Variants in KCNQ5 observed in about 807,000 individuals in gnomAD.
KCNQ5 encodes potassium voltage-gated channel subfamily Q member 5, also known as potassium voltage-gated channel subfamily KQT member 5.
In KCNQ5, 30 loss-of-function variants were observed where a neutral mutation model predicts 98.2. The observed-to-expected ratio is 0.31, with a 90% confidence interval of 0.23 to 0.41. The LOEUF is 0.41. Among genes scored for constraint, KCNQ5 ranks in the 10% least tolerant of loss-of-function variants. The pLI, the probability that KCNQ5 is intolerant of heterozygous loss-of-function variation, is 1.00. For synonymous variants in KCNQ5, 458 were observed against 449.4 expected, an observed-to-expected ratio of 1.02 and a Z score of -0.24; for missense variants, 835 against 1,182.5, an observed-to-expected ratio of 0.71 and a Z score of 4.31.
chr6:72,675,387 T>C (rs1452420403), intron 1 of KCNQ5, among the ~76,000 whole-genome samples: 2 of 152,374 alleles, frequency 1.3e-5, no homozygotes, highest in East Asian at 1.9e-4. Context: ...GAGGTTTAAA[T>C]TGTTCTAATT....
intron 10 of KCNQ5, among the ~76,000 whole-genome samples, chr6:73,163,766 T>C (rs1401349657): frequency 2.0e-5 from 3 of 151,962 alleles, no homozygotes; most frequent in Non-Finnish European, 4.4e-5. Flanking sequence ...AATAAATAAA[T>C]AAGTAAATAA....
chr6:72,759,456 C>T (rs1293130443), intron 1 of KCNQ5, among the ~76,000 whole-genome samples: 4 of 152,088 alleles, frequency 2.6e-5, no homozygotes, highest in African/African-American at 7.2e-5. Context: ...CTGCCTCTTC[C>T]CATTTTTATT....
At chr6:72,737,468 A>G (rs1770907813) in intron 1 of KCNQ5, among the ~76,000 whole-genome samples, 2 of 148,660 alleles carry the variant, frequency 1.3e-5, no homozygotes, top group African/African-American at 2.5e-5. Context: ...AACACAGGTG[A>G]TTTTTTTTTT....
chr6:72,695,154 G>A (rs140839779), intron 1 of KCNQ5, among the ~76,000 whole-genome samples: 4 of 151,898 alleles, frequency 2.6e-5, no homozygotes, highest in African/African-American at 4.8e-5. Context: ...TTGCTATTAC[G>A]GTTAGTGCTG....
intron 1 of KCNQ5, among the ~76,000 whole-genome samples, chr6:72,925,042 TTA>T (rs1327615173): frequency 6.6e-6 from 1 of 152,310 alleles, no homozygotes; most frequent in African/African-American, 2.4e-5. Context: ...ATAAAAATGT[TTA>T]TGTTTATTTG....
chr6:72,899,973 G>A (rs1227550430), intron 1 of KCNQ5, among the ~76,000 whole-genome samples: 2 of 152,058 alleles, frequency 1.3e-5, no homozygotes, highest in Non-Finnish European at 2.9e-5. Flanking sequence ...AGTCTCCTGA[G>A]TATCTGGGTG....
chr6:73,097,466 T>C (rs1055050061), intron 5 of KCNQ5, among the ~76,000 whole-genome samples: 1 of 152,166 alleles, frequency 6.6e-6, no homozygotes, highest in Non-Finnish European at 1.5e-5. Flanking sequence ...GCATATATTA[T>C]AAGCCAATAG....
At chr6:72,695,272 A>C (rs1768426759) in intron 1 of KCNQ5, among the ~76,000 whole-genome samples, 1 of 152,206 alleles carries the variant, frequency 6.6e-6, no homozygotes, top group Non-Finnish European at 1.5e-5. Flanking sequence ...TCTATATTTC[A>C]TGACTTCAAT....
At chr6:73,120,657 A>G in intron 8 of KCNQ5, 80 bp downstream of exon 8, 2 of 855,970 alleles carry the variant, frequency 2.3e-6, no homozygotes, top group Non-Finnish European at 3.7e-6. Flanking sequence ...ACACACAAAA[A>G]AAGGTGTTAA....
intron 1 of KCNQ5, among the ~76,000 whole-genome samples, chr6:72,803,687 G>C (rs911555668): frequency 2.6e-5 from 4 of 152,240 alleles, no homozygotes; most frequent in African/African-American, 9.6e-5. Flanking sequence ...ACCCTAGAAA[G>C]TATTAGACCT....
intron 2 of KCNQ5, among the ~76,000 whole-genome samples, chr6:73,016,575 C>A (rs1242068943): frequency 1.3e-5 from 2 of 151,954 alleles, no homozygotes; most frequent in Admixed American, 1.3e-4. Context: ...ATATGCAGGA[C>A]CTGACTTTAG....
At position 72,891,778 on chromosome 6, in the gene KCNQ5, G is replaced by A. The variant is rs76906197; in HGVS notation, c.399-112130G>A. Among the ~76,000 whole-genome samples the A allele has an allele frequency of 4.8e-3, 731 of 152,054 alleles. 11 individuals are homozygous for A. Among genetic ancestry groups the A allele is most frequent in the East Asian group, 0.021 (107 of 5,186 alleles). ...TGAATTTTAAAACAAAAATATAATCGCTATTATCAGGCAAGACTATTCTAG... is the reference window on the plus strand; with the variant it reads ...TGAATTTTAAAACAAAAATATAATCACTATTATCAGGCAAGACTATTCTAG... On this transcript the variant is annotated intron_variant, in intron 1 of 13. Coordinates refer to ENST00000370398, the MANE Select transcript of KCNQ5 (RefSeq NM_019842.4).
chr6:73,160,319 C>CG (rs1487366500), intron 10 of KCNQ5, among the ~76,000 whole-genome samples: 3 of 152,126 alleles, frequency 2.0e-5, no homozygotes, highest in Non-Finnish European at 2.9e-5. Flanking sequence ...CCCGGCCTTC[C>CG]GCTATGTTTT....
chr6:72,983,161 T>C (rs1768557686), intron 1 of KCNQ5, among the ~76,000 whole-genome samples: 1 of 152,198 alleles, frequency 6.6e-6, no homozygotes, highest in Admixed American at 6.5e-5. Context: ...GGGGTTGTTC[T>C]TCTCAAGGAA....
At chr6:72,699,236 A>T (rs1768673291) in intron 1 of KCNQ5, among the ~76,000 whole-genome samples, 1 of 152,200 alleles carries the variant, frequency 6.6e-6, no homozygotes, top group South Asian at 2.1e-4. Context: ...TTTAGGGAAT[A>T]GCTTTTATGG....
At chr6:73,145,164 A>C (rs982394280) in intron 10 of KCNQ5, among the ~76,000 whole-genome samples, 3 of 152,226 alleles carry the variant, frequency 2.0e-5, no homozygotes, top group African/African-American at 7.2e-5. Context: ...CCTAAGAAAG[A>C]AAAGGAAAAT....
At chr6:72,764,694 T>G (rs1464644886) in intron 1 of KCNQ5, among the ~76,000 whole-genome samples, 2 of 152,010 alleles carry the variant, frequency 1.3e-5, no homozygotes, top group African/African-American at 4.8e-5. Context: ...TGCTATCAAA[T>G]AGTAGGTCTT....
At chr6:72,944,809 T>G (rs981451658) in intron 1 of KCNQ5, among the ~76,000 whole-genome samples, 1 of 152,164 alleles carries the variant, frequency 6.6e-6, no homozygotes, top group Non-Finnish European at 1.5e-5. Context: ...ACTGTATCCA[T>G]AAATAAAGCC....
chr6:73,033,964 T>C (rs190837323), intron 2 of KCNQ5, among the ~76,000 whole-genome samples: 1 of 152,360 alleles, frequency 6.6e-6, no homozygotes, highest in East Asian at 1.9e-4. Context: ...GTATGTGATG[T>C]TCTATAAGTT....
Sources: allele counts gnomAD v4.1 joint callset (sites outside exome capture counted in the v4.1 genomes callset), GRCh38; gene constraint gnomAD v4.1.1; transcripts MANE v1.5; gene names NCBI Gene and HGNC (gene_info 2026-07-23, HGNC 2026-07-21).